SLC38A1: variants seen among roughly 807,000 people sequenced by gnomAD.
SLC38A1 encodes the protein sodium-coupled neutral amino acid symporter 1.
In SLC38A1, 18 loss-of-function variants were observed where a neutral mutation model predicts 60.3. The observed-to-expected ratio is 0.30, with a 90% CI of 0.21 to 0.44. The LOEUF is 0.44. SLC38A1 is among the 20% of genes least tolerant of loss of function. The pLI, the probability that SLC38A1 is intolerant of heterozygous loss-of-function variation, is 1.00. For synonymous variants in SLC38A1, 196 were observed against 212.1 expected (o/e 0.92, Z 0.66); for missense variants, 448 against 587.2 (o/e 0.76, Z 2.45).
rs1268908781 is a variant in SLC38A1 at position 46,186,373 on chromosome 12, C to CTCCTTTG, written c.*2596_*2597insCAAAGGA. ...AGAGATCCTACCTACCAAAGGAAAA[C>CTCCTTTG]GTGCTGCTCCCCATGCCTAGGGTAT... is the stretch of plus-strand genomic sequence containing the variant. On this transcript the variant is annotated 3_prime_UTR_variant, in exon 17 of 17. Transcript: ENST00000398637. 6.6e-6 allele frequency: 1 copy of CTCCTTTG among 152,214 alleles called. No individual in the cohort carries two copies. The highest frequency in any genetic ancestry group is 1.5e-5 in the Non-Finnish European group (1 of 68,046). The allele number at this position is 152,214 out of a possible 1,614,324, so 9.4% of individuals were successfully genotyped here. A position where few individuals can be genotyped will look rare whatever the true frequency, so the allele number is the denominator to read the frequency against.
intron 3 of SLC38A1, among the ~76,000 whole-genome samples, chr12:46,230,213 C>A (rs1226153984): frequency 6.6e-6 from 1 of 152,176 alleles, no homozygotes; most frequent in Non-Finnish European, 1.5e-5. Context: ...GTTTCACCGT[C>A]AGACATTCCT....
intron 13 of SLC38A1, 132 bp from the exon 14 acceptor site, chr12:46,198,875 CA>C: frequency 1.6e-6 from 1 of 633,904 alleles, no homozygotes; most frequent in East Asian, 2.7e-5. Flanking sequence ...TCTATTAAAA[CA>C]ATCAGGTTGG....
At position 46,187,866 on chromosome 12, in the gene SLC38A1, C is replaced by A. The variant is rs1304067215; in HGVS notation, c.*1104G>T. The A allele has an allele frequency of 6.9e-6, 1 of 144,818 alleles. No individual in the cohort carries two copies. The allele number at this position is 144,818 out of a possible 1,614,324, so 9.0% of individuals were successfully genotyped here. ...TGAGGCTTATTTAAGGTACAAAATTCTTGTATTTGTAATAACCTAGATTTA... is the reference window on the plus strand; with the variant it reads ...TGAGGCTTATTTAAGGTACAAAATTATTGTATTTGTAATAACCTAGATTTA... On this transcript the variant is annotated 3_prime_UTR_variant, in exon 17 of 17. Coordinates refer to ENST00000398637, the MANE Select transcript of SLC38A1 (RefSeq NM_030674.4).
intron 5 of SLC38A1, among the ~76,000 whole-genome samples, chr12:46,212,533 G>T (rs1367631737): frequency 1.3e-5 from 2 of 152,220 alleles, no homozygotes; most frequent in African/African-American, 2.4e-5. Flanking sequence ...AATTGTACAT[G>T]GGTCATGGGG....
intron 5 of SLC38A1, 42 bp from the exon 6 acceptor site, chr12:46,209,169 G>A (rs758360446): frequency 3.7e-6 from 5 of 1,345,144 alleles, no homozygotes; most frequent in South Asian, 1.2e-5. Flanking sequence ...ATCTAGAAAA[G>A]AATATATTCT....
intron 14 of SLC38A1, 101 bp downstream of exon 14, chr12:46,198,524 G>A (rs1474816467): frequency 2.7e-6 from 2 of 749,274 alleles, no homozygotes; most frequent in Non-Finnish European, 4.3e-6. Context: ...AATAACCCAG[G>A]AAAGTTACCT....
intron 11 of SLC38A1, among the ~76,000 whole-genome samples, chr12:46,203,945 T>C (rs1487742256): frequency 1.3e-5 from 2 of 152,166 alleles, no homozygotes; most frequent in Non-Finnish European, 2.9e-5. Flanking sequence ...CATCTATATT[T>C]CAACTGTGCA....
intron 2 of SLC38A1, among the ~76,000 whole-genome samples, chr12:46,242,836 A>G (rs1321990551): frequency 1.3e-5 from 2 of 152,112 alleles, no homozygotes; most frequent in Non-Finnish European, 1.5e-5. Flanking sequence ...TACTCACTGT[A>G]GAATCTTTAG....
intron 1 of SLC38A1, among the ~76,000 whole-genome samples, chr12:46,261,105 C>A (rs1668629280): frequency 6.6e-6 from 1 of 152,198 alleles, no homozygotes; most frequent in Non-Finnish European, 1.5e-5. Flanking sequence ...TGATCCTGGA[C>A]ACACCCTCTC....
At chr12:46,196,842 C>T (rs1182721469) in intron 16 of SLC38A1, among the ~76,000 whole-genome samples, 1 of 152,176 alleles carries the variant, frequency 6.6e-6, no homozygotes, top group Non-Finnish European at 1.5e-5. Flanking sequence ...AAGTGCACCA[C>T]GTTCAAGATG....
At chr12:46,254,238 G>T (rs192044310) in intron 1 of SLC38A1, among the ~76,000 whole-genome samples, 294 of 152,222 alleles carry the variant, frequency 1.9e-3, no homozygotes, top group African/African-American at 6.7e-3. Context: ...TTTCTTCTGA[G>T]CAGCAGCTAG....
intron 1 of SLC38A1, chr12:46,254,988 T>A (rs1941973849): frequency 6.6e-6 from 1 of 152,264 alleles, no homozygotes; most frequent in Non-Finnish European, 1.5e-5. Context: ...TCAAAAAGAT[T>A]ACTTTAGTCT....
At position 46,213,453 on chromosome 12, in the gene SLC38A1, C is replaced by T. The variant is rs114242524; in HGVS notation, c.315-4326G>A. 4.6e-3 allele frequency among the ~76,000 whole-genome samples: 699 copies of T among 152,328 alleles called. 4 individuals are homozygous for T. Among genetic ancestry groups the T allele is most frequent in the African/African-American group, 0.015 (636 of 41,590 alleles). On this transcript the variant is annotated intron_variant, in intron 5 of 16. Transcript: ENST00000398637. ...CTTATATATCAACCACTGCATCTAA[C>T]TTCATATCTTAAGTGTACCTTCATC...
At chr12:46,263,641 C>G (rs1010965959) in intron 1 of SLC38A1, among the ~76,000 whole-genome samples, 3 of 152,068 alleles carry the variant, frequency 2.0e-5, no homozygotes, top group Non-Finnish European at 4.4e-5. Context: ...TACCTTGGTC[C>G]ATAGCCTATC....
chr12:46,245,635 T>C (rs566522612), intron 1 of SLC38A1, among the ~76,000 whole-genome samples: 1 of 152,184 alleles, frequency 6.6e-6, no homozygotes, highest in Admixed American at 6.5e-5. Flanking sequence ...CCAAAGAAAA[T>C]GAAATCACCA....
intron 1 of SLC38A1, among the ~76,000 whole-genome samples, chr12:46,256,613 GCACACACA>G (rs566800141): frequency 1.9e-5 from 2 of 107,460 alleles, no homozygotes; most frequent in Non-Finnish European, 4.0e-5. Flanking sequence ...GCGCGCGCGC[GCACACACA>G]CACACACACA....
intron 16 of SLC38A1, among the ~76,000 whole-genome samples, chr12:46,193,138 T>C (rs1319671563): frequency 6.6e-6 from 1 of 152,218 alleles, no homozygotes; most frequent in Non-Finnish European, 1.5e-5. Flanking sequence ...TGCGTCTTGG[T>C]TCTCATTGGT....
intron 3 of SLC38A1, among the ~76,000 whole-genome samples, chr12:46,234,551 C>A (rs1320062315): frequency 6.6e-6 from 1 of 151,656 alleles, no homozygotes; most frequent in Non-Finnish European, 1.5e-5. Flanking sequence ...GGGTTCACGC[C>A]ATTCTCCTGC....
At position 46,216,631 on chromosome 12, in the gene SLC38A1, G is replaced by T. The variant is rs147756677; in HGVS notation, c.315-7504C>A. 2.5e-3 allele frequency among the ~76,000 whole-genome samples: 379 copies of T among 152,224 alleles called. 1 individual carries two copies. Among genetic ancestry groups the T allele is most frequent in the African/African-American group, 8.8e-3 (366 of 41,532 alleles). On this transcript the variant is annotated intron_variant, in intron 5 of 16. Coordinates refer to ENST00000398637, the MANE Select transcript of SLC38A1 (RefSeq NM_030674.4). The stretch of plus-strand genomic sequence containing the variant: ...TTTGGGAGGCAGAGGTGGGCAGATT[G>T]CCTGAGCTCAGGAGTTCGCGACCAG...
Sources: allele counts gnomAD v4.1 joint callset (sites outside exome capture counted in the v4.1 genomes callset), GRCh38; gene constraint gnomAD v4.1.1; transcripts MANE v1.5; gene names NCBI Gene and HGNC (gene_info 2026-07-23, HGNC 2026-07-21).